The following CNTROB variants were observed in gnomAD, a reference collection of about 807,000 sequenced individuals.
CNTROB encodes centrobin.
A neutral mutation model predicts 115.7 loss-of-function variants in CNTROB; 82 were observed. The ratio of observed to expected loss-of-function variants is 0.71; its 90% confidence interval spans 0.59 to 0.85. The LOEUF (loss-of-function observed/expected upper bound fraction) is 0.85. Among genes scored for constraint, CNTROB ranks in the 40% least tolerant of loss-of-function variants. The pLI, the probability that CNTROB is intolerant of heterozygous loss-of-function variation, is 0.00. For missense variants in CNTROB, 1,014 were observed against 1,144.4 expected (o/e 0.89, Z 1.64); for synonymous variants, 439 against 456.4 (o/e 0.96, Z 0.49).
chr17:7,944,007 A>G lies in CNTROB; in HGVS notation c.1446-116A>G. 2 of 743,464 alleles carry G rather than the reference A, an allele frequency of 2.7e-6. No homozygotes were observed. Among genetic ancestry groups the G allele is most frequent in the South Asian group, 1.7e-5 (1 of 58,026 alleles). 46.1% of individuals were successfully genotyped at this position (743,464 alleles called of 1,614,324 possible). A position where few individuals can be genotyped will look rare whatever the true frequency, so the allele number is the denominator to read the frequency against. On this transcript the variant is annotated intron_variant, in intron 10 of 18. Coordinates refer to ENST00000563694, the MANE Select transcript of CNTROB (RefSeq NM_053051.5). The surrounding 1 kb of genome is among the most constrained non-coding windows in gnomAD (Gnocchi z 4.0). ...CCTTGCCGCTTCCTGTGCCATGGCC[A>G]GGCTAGCTGACTGGCTATCTGGGTC... is the stretch of plus-strand genomic sequence containing the variant.
At chr17:7,942,505 G>T (rs1973997776) in intron 9 of CNTROB, among the ~76,000 whole-genome samples, 1 of 148,716 alleles carries the variant, frequency 6.7e-6, no homozygotes, top group Non-Finnish European at 1.5e-5. Context: ...GCTGATGCAG[G>T]AGAATTGCTT....
chr17:7,942,207 C>T (rs1315499960), intron 9 of CNTROB, among the ~76,000 whole-genome samples: 2 of 152,116 alleles, frequency 1.3e-5, no homozygotes, highest in Admixed American at 6.6e-5. Context: ...GTCAAGACTG[C>T]AGTGAGCCAT....
intron 4 of CNTROB, 69 bp downstream of exon 4, chr17:7,935,214 G>A (rs971833556): frequency 1.2e-6 from 2 of 1,604,652 alleles, no homozygotes; most frequent in Non-Finnish European, 1.7e-6. Flanking sequence ...GTTGAAAAGG[G>A]CTGAGGGGGC....
chr17:7,936,840 C>T (rs755275298), intron 6 of CNTROB, 23 bp downstream of exon 6: 4 of 923,992 alleles, frequency 4.3e-6, no homozygotes, highest in Non-Finnish European at 7.3e-6. Context: ...GAGCATATGG[C>T]ATTAGAACCT....
In CNTROB at chr17:7,944,356, A is replaced by G; in HGVS notation, c.1571+108A>G. 4.5e-6 allele frequency: 7 copies of G among 1,553,490 alleles called. No homozygotes were observed. Among genetic ancestry groups the G allele is most frequent in the Non-Finnish European group, 6.2e-6 (7 of 1,126,990 alleles). On this transcript the variant is annotated intron_variant, in intron 11 of 18. Coordinates refer to ENST00000563694, the MANE Select transcript of CNTROB (RefSeq NM_053051.5). This position sits in a 1 kb window ranked among gnomAD's most constrained non-coding sequence, Gnocchi z 4.0. ...TCCCTTGATTGATCTGTCCTCCTCT[A>G]CATGGGCCCCAGCTCCTTTCAGAAT...
chr17:7,933,995 C>G (rs1053410718), intron 1 of CNTROB, 143 bp from the exon 2 acceptor site: 3 of 645,558 alleles, frequency 4.6e-6, no homozygotes, highest in Non-Finnish European at 8.3e-6. Context: ...ATTTGAATTT[C>G]TGATTCAAGT....
Position 7,933,449 on chromosome 17 carries a change from C to A in CNTROB, c.270+100C>A, listed in dbSNP as rs113394808. 1.5e-5 allele frequency: 18 copies of A among 1,228,568 alleles called. No individual in the cohort carries two copies. The African/African-American group carries it at 1.5e-4, about 10-fold the overall frequency. The allele number at this position is 1,228,568 out of a possible 1,614,324, so 76.1% of individuals were successfully genotyped here. A position where few individuals can be genotyped will look rare whatever the true frequency, so the allele number is the denominator to read the frequency against. Reference sequence around the variant, plus strand: ...AAAAAGCTTTGATGAGATTTGAACTCTTCCTGTTGGATTTCATATTCCTTT... The same window carrying A: ...AAAAAGCTTTGATGAGATTTGAACTATTCCTGTTGGATTTCATATTCCTTT... On this transcript the variant is annotated intron_variant, in intron 1 of 18. Transcript: ENST00000563694.
At position 7,949,465 on chromosome 17, in the gene CNTROB, C is replaced by A. The variant is rs1974965683; in HGVS notation, c.2667C>A (p.His889Gln). 6.2e-7 allele frequency: 1 copy of A among 1,614,062 alleles called. No individual in the cohort carries two copies. The highest frequency in any genetic ancestry group is 1.7e-5 in the Admixed American group (1 of 59,996). Residue 889 changes from histidine (H) to glutamine (Q), a missense_variant, in exon 19 of 19, where the codon CAC becomes CAA. By Grantham distance (24) the His-to-Gln change is conservative. Coordinates refer to ENST00000563694, the MANE Select transcript of CNTROB (RefSeq NM_053051.5). Reference sequence around the variant, plus strand: ...CTCCCGCACGGAAGAAAAGTGGGCACCCTGCCCCGAGTAGCATGAGGAGCC... The same window carrying A: ...CTCCCGCACGGAAGAAAAGTGGGCAACCTGCCCCGAGTAGCATGAGGAGCC... ...EKPPARKKSG[H>Q]PAPSSMRSRG...
chr17:7,940,334 T>C (rs1401605057), intron 9 of CNTROB, 92 bp downstream of exon 9: 9 of 1,236,774 alleles, frequency 7.3e-6, no homozygotes, highest in Non-Finnish European at 9.9e-6. Flanking sequence ...ACACTCCCAG[T>C]TCAGGTGTTT....
Position 7,935,078 on chromosome 17 carries a change from C to G in CNTROB, c.527C>G (p.Pro176Arg). The G allele has an allele frequency of 6.2e-7, 1 of 1,614,194 alleles. No individual in the cohort carries two copies. The highest frequency in any genetic ancestry group is 8.5e-7 in the Non-Finnish European group (1 of 1,180,048). ...CGCTACACCAGCCTTCGGCCAGGGCCTCCACTCAATCCCCCAGATTTTCAG... is the reference window on the plus strand; with the variant it reads ...CGCTACACCAGCCTTCGGCCAGGGCGTCCACTCAATCCCCCAGATTTTCAG... ...FPRYTSLRPGPPLNPPDFQGL... is the reference protein window; with the variant it reads ...FPRYTSLRPGRPLNPPDFQGL... Residue 176 changes from proline to arginine, a missense_variant, in exon 4 of 19, where the codon CCT (proline) becomes CGT (arginine). Pro to Arg is a moderately radical substitution (Grantham distance 103). Coordinates refer to ENST00000563694, the MANE Select transcript of CNTROB (RefSeq NM_053051.5).
In CNTROB at chr17:7,937,151, C is replaced by G. The variant is rs182204422; in HGVS notation, c.829-13C>G. 21 of 1,614,068 alleles carry G rather than the reference C, an allele frequency of 1.3e-5. No individual in the cohort carries two copies. In the African/African-American group the frequency reaches 2.8e-4, roughly 22 times the overall value. ...CACAGTTCCTCTGCCCTGTATTCCT[C>G]TCTTCCTGAAAGACAGTAACCCGCC... On this transcript the variant is annotated splice_polypyrimidine_tract_variant and intron_variant, in intron 6 of 18. Coordinates refer to ENST00000563694, the MANE Select transcript of CNTROB (RefSeq NM_053051.5).
rs1000189964 is a variant in CNTROB at position 7,939,211 on chromosome 17, G to A, written c.928-302G>A. 6.6e-6 allele frequency among the ~76,000 whole-genome samples: 1 copy of A among 151,968 alleles called. No individual in the cohort carries two copies. The highest frequency in any genetic ancestry group is 1.5e-5 in the Non-Finnish European group (1 of 68,020). On this transcript the variant is annotated intron_variant, in intron 7 of 18. Coordinates refer to ENST00000563694, the MANE Select transcript of CNTROB (RefSeq NM_053051.5). This position sits in a 1 kb window ranked among gnomAD's most constrained non-coding sequence, Gnocchi z 4.4. Reference sequence around the variant, plus strand: ...AGGTTAGAGCGATTCTCCTGCCTTTGCCTCCCAAGTAGCTGGAATTACAGG... The same window carrying A: ...AGGTTAGAGCGATTCTCCTGCCTTTACCTCCCAAGTAGCTGGAATTACAGG...
rs944792043 is a variant in CNTROB at position 7,932,281 on chromosome 17, A to G, written c.-799A>G. On this transcript the variant is annotated 5_prime_UTR_variant, in exon 1 of 19. Coordinates refer to ENST00000563694, the MANE Select transcript of CNTROB (RefSeq NM_053051.5). ...AGGGGGATCTCAGGGGAGGAGGTCA[A>G]TCGCTTGCCCCCCACTTTGGCAAAT... The G allele has an allele frequency of 6.3e-5, 12 of 190,728 alleles. No individual in the cohort carries two copies. 11.8% of individuals were successfully genotyped at this position (190,728 alleles called of 1,614,324 possible).
chr17:7,947,476 C>A, intron 13 of CNTROB, 95 bp from the exon 14 acceptor site: 1 of 1,178,174 alleles, frequency 8.5e-7, no homozygotes, highest in Non-Finnish European at 1.2e-6. Context: ...ATTTAATAGG[C>A]CCCTTTCTTC....
rs973849412 is a variant in CNTROB, at chr17:7,948,104, T to G, written c.2210-53T>G. 6.2e-7 allele frequency: 1 copy of G among 1,610,236 alleles called. No homozygotes were observed. On this transcript the variant is annotated intron_variant, in intron 15 of 18. Transcript: ENST00000563694. This position sits in a 1 kb window ranked among gnomAD's most constrained non-coding sequence, Gnocchi z 4.4. ...CTTATAAATGCTGGGTGGTGGGACTTCCTTGGTTCTATGCCCCATTTCCTG... is the reference window on the plus strand; with the variant it reads ...CTTATAAATGCTGGGTGGTGGGACTGCCTTGGTTCTATGCCCCATTTCCTG...
Position 7,948,823 on chromosome 17 carries a change from CA to C in CNTROB, c.2513+211del, listed in dbSNP as rs1321383178. On this transcript the variant is annotated intron_variant, in intron 17 of 18. Transcript: ENST00000563694. The surrounding 1 kb of genome is among the most constrained non-coding windows in gnomAD (Gnocchi z 4.4). ...CTTTCTATTGCTTTTTTCTTCTAAA[CA>C]AAAAAATCTTTTCCCCGGGTCTCTC... 4.8e-6 allele frequency: 7 copies of C among 1,464,464 alleles called. No homozygotes were observed. Among genetic ancestry groups the C allele is most frequent in the Non-Finnish European group, 6.3e-6 (7 of 1,108,460 alleles). 90.7% of individuals were successfully genotyped at this position (1,464,464 alleles called of 1,614,324 possible).
rs756928372 is a variant in CNTROB, at chr17:7,949,109, C to A, written c.2538C>A (p.Val846=). ...HSGTDGRGDN[V]PRRNTDSRLG... is the part of the protein sequence containing the mutation. ...GGACTGATGGCCGAGGGGATAATGT[C>A]CCCAGAAGGAACACAGACTCCCGCT... The change falls in exon 18 of 19, where the codon GTC becomes GTA. Residue 846 remains valine, a synonymous_variant. Coordinates refer to ENST00000563694, the MANE Select transcript of CNTROB (RefSeq NM_053051.5). The A allele has an allele frequency of 6.2e-7, 1 of 1,613,890 alleles. No homozygotes were observed. The highest frequency in any genetic ancestry group is 1.3e-5 in the African/African-American group (1 of 74,892).
Position 7,947,972 on chromosome 17 carries a change from T to C in CNTROB, c.2202T>C (p.Pro734=). ...ACCCTTCTGTCGACCTGTTGCCCCCTAAGTCTGGTGAGTTCCAACTCTGAA... is the reference window on the plus strand; with the variant it reads ...ACCCTTCTGTCGACCTGTTGCCCCCCAAGTCTGGTGAGTTCCAACTCTGAA... ...NENPSVDLLP[P]KSGPLTVPSW... Residue 734 remains proline, a synonymous_variant, in exon 15 of 19, where the codon CCT becomes CCC. Transcript: ENST00000563694. 1 of 1,613,610 alleles carries C rather than the reference T, an allele frequency of 6.2e-7. No homozygotes were observed. The highest frequency in any genetic ancestry group is 8.5e-7 in the Non-Finnish European group (1 of 1,179,640).
In CNTROB at chr17:7,948,715, C is replaced by A; in HGVS notation, c.2513+96C>A. ...GTTTTACACTGAATTGAATCGTTGT[C>A]CTTTTCTGGGGAGGAAAGTGAAGGA... is the stretch of plus-strand genomic sequence containing the variant. On this transcript the variant is annotated intron_variant, in intron 17 of 18. Coordinates refer to ENST00000563694, the MANE Select transcript of CNTROB (RefSeq NM_053051.5). This position sits in a 1 kb window ranked among gnomAD's most constrained non-coding sequence, Gnocchi z 4.4. 1 of 1,611,432 alleles carries A rather than the reference C, an allele frequency of 6.2e-7. No individual in the cohort carries two copies. The highest frequency in any genetic ancestry group is 1.1e-5 in the South Asian group (1 of 90,972).
Sources: gnomAD v4.1 joint callset for allele counts (sites outside exome capture counted in the v4.1 genomes callset) on GRCh38, gnomAD v4.1.1 for gene constraint, Gnocchi (gnomAD v3.1) non-coding constraint, MANE v1.5 for transcripts, NCBI Gene and HGNC (gene_info 2026-07-23, HGNC 2026-07-21) for gene names.